CDH4: variants seen among roughly 807,000 people sequenced by gnomAD.
CDH4 encodes the protein cadherin 4.
A neutral mutation model predicts 86.0 loss-of-function variants in CDH4; 33 were observed. The observed-to-expected ratio is 0.38, with a 90% CI of 0.29 to 0.51. The LOEUF is 0.51. Ranked by LOEUF, CDH4 falls within the 20% of genes least tolerant of loss-of-function variation. The pLI, the probability that CDH4 is intolerant of heterozygous loss-of-function variation, is 0.86. For synonymous variants in CDH4, 555 were observed against 549.4 expected, an observed-to-expected ratio of 1.01 and a Z score of -0.14; for missense variants, 1,114 against 1,307.4, an observed-to-expected ratio of 0.85 and a Z score of 2.28.
chr20:61,368,691 A>G (rs1406016202), intron 2 of CDH4, among the ~76,000 whole-genome samples: 1 of 151,834 alleles, frequency 6.6e-6, no homozygotes, highest in East Asian at 1.9e-4. Flanking sequence ...TAATTTTTGT[A>G]TTTTTAGTAG....
chr20:61,671,238 T>C (rs1260063476), intron 2 of CDH4, among the ~76,000 whole-genome samples: 1 of 152,046 alleles, frequency 6.6e-6, no homozygotes, highest in Non-Finnish European at 1.5e-5. Context: ...ATGCTTGTAA[T>C]CCCAACACCT....
chr20:61,578,858 T>TC (rs139476188), intron 2 of CDH4, among the ~76,000 whole-genome samples: 4,956 of 152,230 alleles, frequency 0.033, 269 homozygotes, highest in African/African-American at 0.1. Flanking sequence ...CAAGTCTAGA[T>TC]CCTCCGGTCA....
At chr20:61,489,384 C>T (rs534270854) in intron 2 of CDH4, among the ~76,000 whole-genome samples, 2 of 152,186 alleles carry the variant, frequency 1.3e-5, no homozygotes, top group African/African-American at 4.8e-5. Context: ...AAATCTACAC[C>T]TACTCTATGG....
intron 2 of CDH4, among the ~76,000 whole-genome samples, chr20:61,701,110 C>T (rs539088893): frequency 2.6e-5 from 4 of 152,296 alleles, no homozygotes; most frequent in Middle Eastern, 3.4e-3. Context: ...AGGCCTCTCT[C>T]CTCGGCTTGC....
At position 61,751,868 on chromosome 20, in the gene CDH4, C is replaced by A. The variant is rs141465143; in HGVS notation, c.396+8079C>A. Among the ~76,000 whole-genome samples, 69 of 152,232 alleles carry A rather than the reference C, an allele frequency of 4.5e-4. No individual in the cohort carries two copies. In the East Asian group the frequency reaches 0.012, roughly 27 times the overall value. On this transcript the variant is annotated intron_variant, in intron 3 of 15. Transcript: ENST00000614565. The stretch of plus-strand genomic sequence containing the variant: ...ATCTTTAAGAAAAAAGTAAAATGAC[C>A]CCTACCTCACACCACAACCAAAATC...
chr20:61,622,867 A>G (rs1465918869), intron 2 of CDH4, among the ~76,000 whole-genome samples: 2 of 152,112 alleles, frequency 1.3e-5, no homozygotes, highest in Non-Finnish European at 2.9e-5. Flanking sequence ...GAATCCCTGC[A>G]TTTGAGTTAG....
At chr20:61,820,254 C>T (rs1010241712) in intron 4 of CDH4, among the ~76,000 whole-genome samples, 27 of 152,150 alleles carry the variant, frequency 1.8e-4, no homozygotes, top group Non-Finnish European at 3.1e-4. Context: ...TCCCCAAGAC[C>T]GCCTTCCACC....
intron 2 of CDH4, among the ~76,000 whole-genome samples, chr20:61,656,508 G>A (rs1318457933): frequency 2.0e-5 from 3 of 152,138 alleles, no homozygotes; most frequent in South Asian, 2.1e-4. Context: ...AAGGACAGGT[G>A]CATGGCCAGT....
At chr20:61,282,889 T>G (rs2084268333) in intron 2 of CDH4, among the ~76,000 whole-genome samples, 1 of 152,118 alleles carries the variant, frequency 6.6e-6, no homozygotes, top group Non-Finnish European at 1.5e-5. Context: ...GTACGTGCAT[T>G]TGCACGCGTG....
chr20:61,617,120 C>T (rs752507417), intron 2 of CDH4, among the ~76,000 whole-genome samples: 10 of 152,244 alleles, frequency 6.6e-5, no homozygotes, highest in Non-Finnish European at 1.3e-4. Flanking sequence ...AGAGGCTCAT[C>T]GGCCTTGGCT....
chr20:61,496,956 A>AT (rs59603072), intron 2 of CDH4, among the ~76,000 whole-genome samples: 11,839 of 108,468 alleles, frequency 0.11, 622 homozygotes, highest in African/African-American at 0.19. Context: ...TTGGGGATTG[A>AT]TTTTTTTTTT....
intron 2 of CDH4, among the ~76,000 whole-genome samples, chr20:61,704,490 C>T (rs909799395): frequency 1.3e-5 from 2 of 152,160 alleles, no homozygotes; most frequent in Admixed American, 1.3e-4. Flanking sequence ...GCTGGCGCCG[C>T]CTTCTGAGAG....
chr20:61,622,037 G>A (rs1319564171), intron 2 of CDH4, among the ~76,000 whole-genome samples: 2 of 152,352 alleles, frequency 1.3e-5, no homozygotes, highest in East Asian at 1.9e-4. Flanking sequence ...CCTCACAGTT[G>A]CGTCTTGCCC....
intron 2 of CDH4, among the ~76,000 whole-genome samples, chr20:61,389,727 C>CT (rs141795789): frequency 0.18 from 26,957 of 151,950 alleles, 3,093 homozygotes; most frequent in East Asian, 0.41. Context: ...TGGGTGGGGG[C>CT]TGGGGGTGCT....
intron 4 of CDH4, among the ~76,000 whole-genome samples, chr20:61,773,838 G>A (rs1263444726): frequency 6.6e-6 from 1 of 152,138 alleles, no homozygotes; most frequent in African/African-American, 2.4e-5. Flanking sequence ...GGAAATGAGG[G>A]TCCCCAGAGT....
chr20:61,907,329 A>G (rs1488140390), intron 8 of CDH4, among the ~76,000 whole-genome samples: 1 of 152,048 alleles, frequency 6.6e-6, no homozygotes, highest in Admixed American at 6.5e-5. Context: ...GTCCCCCTGC[A>G]GTGGTCCTCT....
chr20:61,458,511 C>T (rs1029165183), intron 2 of CDH4, among the ~76,000 whole-genome samples: 5 of 117,174 alleles, frequency 4.3e-5, no homozygotes, highest in Admixed American at 8.1e-5. Context: ...GTGATGGTCA[C>T]GATGGTGATG....
intron 2 of CDH4, among the ~76,000 whole-genome samples, chr20:61,613,287 C>A (rs985706109): frequency 6.6e-6 from 1 of 152,114 alleles, no homozygotes; most frequent in Non-Finnish European, 1.5e-5. Context: ...CAGCTGCTGC[C>A]TTCCAGGCAG....
At chr20:61,760,000 C>G (rs66840902) in intron 3 of CDH4, among the ~76,000 whole-genome samples, 1 of 152,226 alleles carries the variant, frequency 6.6e-6, no homozygotes, top group Non-Finnish European at 1.5e-5. Context: ...GTCCGGATCT[C>G]TTTGTACCAG....
Sources: gnomAD v4.1 joint callset for allele counts (sites outside exome capture counted in the v4.1 genomes callset) on GRCh38, gnomAD v4.1.1 for gene constraint, MANE v1.5 for transcripts, NCBI Gene and HGNC (gene_info 2026-07-23, HGNC 2026-07-21) for gene names.